The following PRKAG2 variants were observed in gnomAD, a reference collection of about 807,000 sequenced individuals.
PRKAG2 encodes the protein 5'-AMP-activated protein kinase subunit gamma-2.
PRKAG2 carries 26 observed loss-of-function variants against 69.6 expected under a neutral mutation model. The ratio of observed to expected loss-of-function variants is 0.37; its 90% confidence interval spans 0.27 to 0.52. The LOEUF (loss-of-function observed/expected upper bound fraction) is 0.52, where lower values mean the gene tolerates loss of function less well. Ranked by LOEUF, PRKAG2 falls within the 20% of genes least tolerant of loss-of-function variation. PRKAG2 has a pLI of 0.90. For synonymous variants in PRKAG2, 293 were observed against 285.0 expected (o/e 1.03, Z -0.28); for missense variants, 557 against 740.0 (o/e 0.75, Z 2.87).
Position 151,820,610 on chromosome 7 carries a change from C to T in PRKAG2, c.115-34069G>A, listed in dbSNP as rs1441833589. 6.1e-5 allele frequency among the ~76,000 whole-genome samples: 3 copies of T among 48,860 alleles called. No homozygotes were observed. The South Asian group carries it at 2.4e-3, about 40-fold the overall frequency. 32.1% of individuals were successfully genotyped at this position (48,860 alleles called of 152,430 possible). A position where few individuals can be genotyped will look rare whatever the true frequency, so the allele number is the denominator to read the frequency against. ...CTCTACTCGGAACACCGCTCCGTGG[C>T]CTGGCCCCTCTGGCTACTGCAGGGC... On this transcript the variant is annotated intron_variant, in intron 1 of 15. Coordinates refer to ENST00000287878, the MANE Select transcript of PRKAG2 (RefSeq NM_016203.4).
intron 1 of PRKAG2, among the ~76,000 whole-genome samples, chr7:151,874,019 T>C (rs2080285665): frequency 7.2e-6 from 1 of 138,202 alleles, no homozygotes; most frequent in Non-Finnish European, 1.5e-5. Flanking sequence ...TAAGTATATG[T>C]ATATGATGTA....
intron 4 of PRKAG2, among the ~76,000 whole-genome samples, chr7:151,669,749 C>A (rs1238480547): frequency 3.3e-5 from 5 of 151,950 alleles, no homozygotes; most frequent in Non-Finnish European, 7.4e-5. Context: ...TGTGCACACA[C>A]CTGCATGCAC....
intron 1 of PRKAG2, among the ~76,000 whole-genome samples, chr7:151,794,806 CAG>C (rs1392775862): frequency 3.9e-5 from 6 of 152,250 alleles, no homozygotes; most frequent in Admixed American, 1.3e-4. Context: ...TGGCCGCTGC[CAG>C]AGTCTCCGGC....
chr7:151,773,019 AAGAAAGAGAGAGAGAG>A (rs1284001768), intron 3 of PRKAG2, among the ~76,000 whole-genome samples: 4 of 23,556 alleles, frequency 1.7e-4, no homozygotes, highest in African/African-American at 8.7e-4. Context: ...GAAAGAAAGA[AAGAAAGAGAGAGAGAG>A]AGAGAGAGAG....
chr7:151,674,466 T>C (rs1040733910), intron 4 of PRKAG2, among the ~76,000 whole-genome samples: 24 of 152,198 alleles, frequency 1.6e-4, no homozygotes, highest in African/African-American at 4.3e-4. Context: ...CCCAGGGATG[T>C]GGCTCTCACA....
intron 3 of PRKAG2, among the ~76,000 whole-genome samples, chr7:151,700,516 C>T (rs1242483191): frequency 6.6e-6 from 1 of 152,182 alleles, no homozygotes; most frequent in Non-Finnish European, 1.5e-5. Context: ...TTAACGCAGG[C>T]TTGTGAATCT....
intron 3 of PRKAG2, among the ~76,000 whole-genome samples, chr7:151,682,031 C>T (rs987850263): frequency 1.3e-5 from 2 of 152,076 alleles, no homozygotes; most frequent in African/African-American, 4.8e-5. Flanking sequence ...CAGGCTTCCC[C>T]CAAAGAGGGT....
chr7:151,808,963 G>T (rs188353405), intron 1 of PRKAG2, among the ~76,000 whole-genome samples: 49 of 152,280 alleles, frequency 3.2e-4, no homozygotes, highest in African/African-American at 1.0e-3. Context: ...GTTCTCTCCC[G>T]CGCTCCCCCT....
At chr7:151,693,222 A>G (rs1024848788) in intron 3 of PRKAG2, among the ~76,000 whole-genome samples, 1 of 152,222 alleles carries the variant, frequency 6.6e-6, no homozygotes, top group African/African-American at 2.4e-5. Flanking sequence ...GAACATGCAG[A>G]AAGCCTGATG....
chr7:151,853,462 T>C (rs1479510392), intron 1 of PRKAG2, among the ~76,000 whole-genome samples: 1 of 152,190 alleles, frequency 6.6e-6, no homozygotes, highest in East Asian at 1.9e-4. Context: ...GAGATGATCA[T>C]TTTTGAGGTT....
chr7:151,819,871 G>T (rs2078728647), intron 1 of PRKAG2, among the ~76,000 whole-genome samples: 1 of 152,224 alleles, frequency 6.6e-6, no homozygotes, highest in Admixed American at 6.5e-5. Flanking sequence ...TGTGTTTGGA[G>T]CATGTCACCT....
At chr7:151,873,231 T>C (rs2080262301) in intron 1 of PRKAG2, among the ~76,000 whole-genome samples, 1 of 152,208 alleles carries the variant, frequency 6.6e-6, no homozygotes, top group South Asian at 2.1e-4. Context: ...CCCGATTCTG[T>C]GGGGTGCTCC....
In PRKAG2 at chr7:151,624,026, C is replaced by T. The variant is rs536192012; in HGVS notation, c.754+8043G>A. Among the ~76,000 whole-genome samples the T allele has an allele frequency of 2.0e-5, 3 of 151,822 alleles. No individual in the cohort carries two copies. In the South Asian group the frequency reaches 6.3e-4, roughly 32 times the overall value. The stretch of plus-strand genomic sequence containing the variant: ...CAACTTCCTGTCAGTTACAAATGAC[C>T]AAAGTACAACCTAAAATAAAATGAA... On this transcript the variant is annotated intron_variant, in intron 5 of 15. Coordinates refer to ENST00000287878, the MANE Select transcript of PRKAG2 (RefSeq NM_016203.4).
chr7:151,833,410 G>A (rs373142016), intron 1 of PRKAG2, among the ~76,000 whole-genome samples: 6 of 152,330 alleles, frequency 3.9e-5, no homozygotes, highest in East Asian at 1.9e-4. Context: ...TCCAGCTGCT[G>A]AGCGGAGGAG....
intron 4 of PRKAG2, among the ~76,000 whole-genome samples, chr7:151,634,512 GA>G (rs1454538116): frequency 1.3e-5 from 2 of 152,134 alleles, no homozygotes; most frequent in African/African-American, 4.8e-5. Context: ...AGGATGAAAA[GA>G]AAAGCTACAC....
intron 3 of PRKAG2, among the ~76,000 whole-genome samples, chr7:151,712,161 G>C (rs560107590): frequency 1.3e-5 from 2 of 152,366 alleles, no homozygotes; most frequent in Non-Finnish European, 2.9e-5. Flanking sequence ...GGGCGGCTCA[G>C]TGTGGCCCCC....
intron 8 of PRKAG2, among the ~76,000 whole-genome samples, chr7:151,573,623 C>T (rs968190572): frequency 2.0e-5 from 3 of 152,134 alleles, no homozygotes; most frequent in Non-Finnish European, 4.4e-5. Context: ...TCAAAAATCA[C>T]ACTCATGCTG....
chr7:151,674,376 G>A lies in PRKAG2; in HGVS notation c.684+1044C>T, dbSNP rs555123403. Among the ~76,000 whole-genome samples, 11 of 152,336 alleles carry A rather than the reference G, an allele frequency of 7.2e-5. No homozygotes were observed. In the South Asian group the frequency reaches 1.2e-3, roughly 17 times the overall value. The stretch of plus-strand genomic sequence containing the variant: ...TTTCTATTGTTTTAAGCCATCCAGT[G>A]TGTGGCACTATGTCATGCCCCAGTG... On this transcript the variant is annotated intron_variant, in intron 4 of 15. Coordinates refer to ENST00000287878, the MANE Select transcript of PRKAG2 (RefSeq NM_016203.4).
intron 3 of PRKAG2, among the ~76,000 whole-genome samples, chr7:151,697,740 G>C (rs1297621159): frequency 1.3e-5 from 2 of 152,130 alleles, no homozygotes; most frequent in East Asian, 3.9e-4. Flanking sequence ...GCAGGGAGGA[G>C]GCAGGTGCCG....
Sources: gnomAD v4.1 joint callset for allele counts (sites outside exome capture counted in the v4.1 genomes callset) on GRCh38, gnomAD v4.1.1 for gene constraint, MANE v1.5 for transcripts, NCBI Gene and HGNC (gene_info 2026-07-23, HGNC 2026-07-21) for gene names.